OXR1: variants seen among roughly 807,000 people sequenced by gnomAD.
OXR1 encodes oxidation resistance 1.
OXR1 carries 41 observed loss-of-function variants against 104.6 expected under a neutral mutation model. The ratio of observed to expected loss-of-function variants is 0.39; its 90% confidence interval spans 0.31 to 0.51. The LOEUF (loss-of-function observed/expected upper bound fraction) is 0.51, where lower values mean the gene tolerates loss of function less well. Among genes scored for constraint, OXR1 ranks in the 20% least tolerant of loss-of-function variants. The pLI is 0.77. For synonymous variants in OXR1, 348 were observed against 348.4 expected (o/e 1.00, Z 0.01); for missense variants, 955 against 1,031.9 (o/e 0.93, Z 1.02).
At chr8:106,749,299 C>T (rs1424484888) in intron 16 of OXR1, among the ~76,000 whole-genome samples, 7 of 150,278 alleles carry the variant, frequency 4.7e-5, no homozygotes, top group African/African-American at 7.4e-5. Flanking sequence ...GCCAAGATCA[C>T]GCCACTGCAC....
At chr8:106,435,197 G>A (rs1027374099) in intron 2 of OXR1, among the ~76,000 whole-genome samples, 3 of 152,198 alleles carry the variant, frequency 2.0e-5, no homozygotes, top group East Asian at 1.9e-4. Flanking sequence ...AAAGGTCAGC[G>A]TGGCTGAGGA....
intron 10 of OXR1, among the ~76,000 whole-genome samples, chr8:106,711,723 T>C (rs1200172045): frequency 1.3e-5 from 2 of 152,104 alleles, no homozygotes; most frequent in Non-Finnish European, 2.9e-5. Context: ...TTGTGTGATT[T>C]CTCTGTACCT....
At chr8:106,473,961 A>C (rs1821659307) in intron 2 of OXR1, among the ~76,000 whole-genome samples, 1 of 146,352 alleles carries the variant, frequency 6.8e-6, no homozygotes. Context: ...GCTATCATGA[A>C]TCTAGTTATA....
chr8:106,681,757 TC>T, intron 4 of OXR1, among the ~76,000 whole-genome samples: 1 of 152,246 alleles, frequency 6.6e-6, no homozygotes, highest in East Asian at 1.9e-4. Flanking sequence ...ACTCCTGGGC[TC>T]AAGTGATCCA....
intron 3 of OXR1, among the ~76,000 whole-genome samples, chr8:106,551,249 C>T (rs1815779932): frequency 6.6e-6 from 1 of 152,144 alleles, no homozygotes; most frequent in Non-Finnish European, 1.5e-5. Flanking sequence ...ACATCGTATT[C>T]AACCAACAAC....
At chr8:106,510,718 C>A (rs749640753) in intron 2 of OXR1, among the ~76,000 whole-genome samples, 66 of 152,100 alleles carry the variant, frequency 4.3e-4, no homozygotes, top group Non-Finnish European at 8.7e-4. Flanking sequence ...GTTAGAATTT[C>A]TAGCAAACCA....
chr8:106,350,005 G>C (rs1213191664), intron 1 of OXR1, among the ~76,000 whole-genome samples: 1 of 152,152 alleles, frequency 6.6e-6, no homozygotes, highest in African/African-American at 2.4e-5. Flanking sequence ...TGTGGGTATA[G>C]GGTAATAGTT....
At chr8:106,329,690 AG>A (rs1291256611) in intron 1 of OXR1, among the ~76,000 whole-genome samples, 1 of 152,196 alleles carries the variant, frequency 6.6e-6, no homozygotes. Context: ...TTTGGAGCAC[AG>A]GACCTTTTAT....
At chr8:106,323,068 A>G (rs1814291940) in intron 1 of OXR1, among the ~76,000 whole-genome samples, 1 of 152,214 alleles carries the variant, frequency 6.6e-6, no homozygotes, top group Non-Finnish European at 1.5e-5. Flanking sequence ...ACCAAAAAAG[A>G]GCCTCAATAG....
chr8:106,636,844 A>G (rs1823182113), intron 3 of OXR1, among the ~76,000 whole-genome samples: 1 of 152,204 alleles, frequency 6.6e-6, no homozygotes, highest in Non-Finnish European at 1.5e-5. Context: ...AGGTATGCCC[A>G]TGGTGACAGG....
intron 11 of OXR1, among the ~76,000 whole-genome samples, chr8:106,732,180 T>C (rs192874417): frequency 1.8e-3 from 267 of 152,282 alleles, no homozygotes; most frequent in Non-Finnish European, 3.0e-3. Context: ...TTCCAAGTTT[T>C]CATTGCTGAT....
At chr8:106,536,223 A>T (rs1224431334) in intron 3 of OXR1, among the ~76,000 whole-genome samples, 1 of 102,748 alleles carries the variant, frequency 9.7e-6, no homozygotes. Context: ...CTGTCTCAAA[A>T]AAAAAAGAAA....
At chr8:106,690,075 A>G (rs1185619249) in intron 6 of OXR1, among the ~76,000 whole-genome samples, 1 of 150,952 alleles carries the variant, frequency 6.6e-6, no homozygotes, top group Non-Finnish European at 1.5e-5. Flanking sequence ...TATATGTTAT[A>G]TATAAAACAT....
At chr8:106,548,408 T>C (rs184598868) in intron 3 of OXR1, among the ~76,000 whole-genome samples, 46 of 152,322 alleles carry the variant, frequency 3.0e-4, no homozygotes, top group East Asian at 5.8e-4. Flanking sequence ...CCAGAAACTT[T>C]CTATTTTAAC....
chr8:106,720,671 A>G (rs1832750699), intron 11 of OXR1: 8 of 933,698 alleles, frequency 8.6e-6, no homozygotes, highest in Non-Finnish European at 1.0e-5. Flanking sequence ...TCCCTTACAT[A>G]CCACAGGACT....
intron 2 of OXR1, among the ~76,000 whole-genome samples, chr8:106,454,322 G>A (rs551275544): frequency 4.0e-5 from 6 of 151,848 alleles, no homozygotes; most frequent in South Asian, 4.1e-4. Context: ...TTAGCCAGGC[G>A]TGGTGACATG....
intron 1 of OXR1, among the ~76,000 whole-genome samples, chr8:106,313,882 G>A (rs1813819096): frequency 6.6e-6 from 1 of 152,164 alleles, no homozygotes; most frequent in South Asian, 2.1e-4. Flanking sequence ...TCTGAAAACT[G>A]AAGAGGAGAT....
chr8:106,741,747 G>A (rs1011402557), intron 14 of OXR1, among the ~76,000 whole-genome samples: 3 of 151,932 alleles, frequency 2.0e-5, no homozygotes, highest in Non-Finnish European at 4.4e-5. Flanking sequence ...AGGGTTAAAG[G>A]ACAAAACAAT....
intron 3 of OXR1, among the ~76,000 whole-genome samples, chr8:106,651,709 T>C (rs1164640520): frequency 6.6e-6 from 1 of 152,182 alleles, no homozygotes; most frequent in Non-Finnish European, 1.5e-5. Flanking sequence ...CCCCCAACTC[T>C]GTTTTTCTTT....
Sources: allele counts gnomAD v4.1 joint callset (sites outside exome capture counted in the v4.1 genomes callset), GRCh38; gene constraint gnomAD v4.1.1; transcripts MANE v1.5; gene names NCBI Gene and HGNC (gene_info 2026-07-23, HGNC 2026-07-21).